VDAC1: variants seen among roughly 807,000 people sequenced by gnomAD.
The protein encoded by VDAC1 is non-selective voltage-gated ion channel VDAC1.
Under a neutral mutation model 34.7 loss-of-function variants are expected in VDAC1, and 10 were observed. The observed-to-expected ratio is 0.29, with a 90% CI of 0.18 to 0.49. The LOEUF (loss-of-function observed/expected upper bound fraction) is 0.49. VDAC1 is among the 20% of genes least tolerant of loss of function. VDAC1 has a pLI of 0.99. For missense variants in VDAC1, 230 were observed against 347.9 expected (o/e 0.66, Z 2.69); for synonymous variants, 130 against 136.0 (o/e 0.96, Z 0.30).
the VDAC1 span, among the ~76,000 whole-genome samples, chr5:134,051,689 G>GTTTTTGTTTTTGTT: frequency 4.3e-5 from 6 of 140,102 alleles, no homozygotes; most frequent in African/African-American, 1.3e-4. Flanking sequence ...TTTTGGCTTT[G>GTTTTTGTTTTTGTT]TTTTTGTTTT....
the VDAC1 span, among the ~76,000 whole-genome samples, chr5:134,063,282 C>T: frequency 6.6e-6 from 1 of 152,322 alleles, no homozygotes; most frequent in African/African-American, 2.4e-5. Flanking sequence ...AATGTCCTTT[C>T]TCCGTTCCAA....
the VDAC1 span, among the ~76,000 whole-genome samples, chr5:134,067,892 C>T: frequency 2.6e-5 from 4 of 152,172 alleles, no homozygotes; most frequent in South Asian, 4.2e-4. Flanking sequence ...CCAAGGAAGG[C>T]GGATCACTTG....
chr5:134,080,120 T>A, the VDAC1 span, among the ~76,000 whole-genome samples: 2 of 152,214 alleles, frequency 1.3e-5, no homozygotes, highest in Non-Finnish European at 2.9e-5. Context: ...ATGTGTGACA[T>A]CAAAGCCGGC....
At chr5:134,037,858 C>T in the VDAC1 span, among the ~76,000 whole-genome samples, 3 of 152,112 alleles carry the variant, frequency 2.0e-5, no homozygotes, top group African/African-American at 7.2e-5. Context: ...ATTAGTGAAT[C>T]GTATTGTATC....
chr5:134,041,711 G>A, the VDAC1 span, among the ~76,000 whole-genome samples: 15 of 152,136 alleles, frequency 9.9e-5, no homozygotes, highest in Non-Finnish European at 2.2e-4. Flanking sequence ...CTGGGACTTG[G>A]GCCTCCTGCC....
intron 5 of VDAC1, chr5:133,988,965 C>G (rs147678202): frequency 6.6e-6 from 1 of 152,224 alleles, no homozygotes; most frequent in Non-Finnish European, 1.5e-5. Flanking sequence ...TCATCCTATC[C>G]CAGGATCTTT....
the VDAC1 span, among the ~76,000 whole-genome samples, chr5:134,095,476 C>T: frequency 7.1e-6 from 1 of 140,070 alleles, no homozygotes; most frequent in African/African-American, 2.6e-5. Flanking sequence ...GAGTGAGACT[C>T]TGTCTCAGTA....
chr5:134,017,016 C>T, the VDAC1 span, among the ~76,000 whole-genome samples: 1 of 152,216 alleles, frequency 6.6e-6, no homozygotes, highest in South Asian at 2.1e-4. Flanking sequence ...GCATGTTCTT[C>T]CCAGATGGCT....
At chr5:133,976,083 A>G in intron 6 of VDAC1, 62 bp from the exon 7 acceptor site, 2 of 1,603,830 alleles carry the variant, frequency 1.2e-6, no homozygotes, top group Non-Finnish European at 1.7e-6. Flanking sequence ...GCCCAGACAG[A>G]TCCACCCAAG....
chr5:134,020,971 A>G, the VDAC1 span, among the ~76,000 whole-genome samples: 1 of 149,812 alleles, frequency 6.7e-6, no homozygotes, highest in Admixed American at 6.8e-5. Context: ...CAGCCTGGGC[A>G]ACATAAGGAG....
chr5:134,040,838 G>A, the VDAC1 span, among the ~76,000 whole-genome samples: 1 of 152,130 alleles, frequency 6.6e-6, no homozygotes, highest in African/African-American at 2.4e-5. Flanking sequence ...TGGGAAAGGG[G>A]TCACTCTAGG....
chr5:134,009,167 G>A (rs569402428), upstream of VDAC1, among the ~76,000 whole-genome samples: 1 of 146,690 alleles, frequency 6.8e-6, no homozygotes, highest in Non-Finnish European at 1.5e-5. Flanking sequence ...TAAGAATTTT[G>A]TATATATATA....
At chr5:134,077,388 C>T in the VDAC1 span, among the ~76,000 whole-genome samples, 71,456 of 151,882 alleles carry the variant, frequency 0.47, 17,209 homozygotes, top group Non-Finnish European at 0.52. Flanking sequence ...TTCAGCTCAG[C>T]CTGGTCTGAA....
chr5:133,974,965 AC>A (rs142669176), intron 7 of VDAC1, among the ~76,000 whole-genome samples: 31,213 of 147,908 alleles, frequency 0.21, 3,309 homozygotes, highest in East Asian at 0.42. Flanking sequence ...AAAAAAAAAA[AC>A]AAACAAACAG....
intron 8 of VDAC1, 134 bp downstream of exon 8, chr5:133,973,657 A>G: frequency 1.4e-6 from 1 of 715,578 alleles, no homozygotes; most frequent in East Asian, 2.8e-5. Flanking sequence ...ACATTTAATT[A>G]TACTTTACAT....
At chr5:134,032,143 A>AAAAAAAAAAAAAAAAAAAAAAAAC in the VDAC1 span, among the ~76,000 whole-genome samples, 1 of 149,508 alleles carries the variant, frequency 6.7e-6, no homozygotes, top group African/African-American at 2.5e-5. Flanking sequence ...AAAAAAAAAA[A>AAAAAAAAAAAAAAAAAAAAAAAAC]AGCTACTCTG....
At chr5:134,034,713 C>A in the VDAC1 span, among the ~76,000 whole-genome samples, 3 of 152,206 alleles carry the variant, frequency 2.0e-5, no homozygotes, top group South Asian at 6.2e-4. Context: ...ATGCAAGGTG[C>A]ATGCTGGGAC....
the VDAC1 span, among the ~76,000 whole-genome samples, chr5:134,107,401 T>C: frequency 2.0e-5 from 3 of 152,270 alleles, no homozygotes; most frequent in African/African-American, 7.2e-5. Flanking sequence ...CAAGCCGAGA[T>C]GAAATCTCTC....
the VDAC1 span, among the ~76,000 whole-genome samples, chr5:134,071,914 C>T: frequency 6.6e-6 from 1 of 152,254 alleles, no homozygotes; most frequent in African/African-American, 2.4e-5. The surrounding 1 kb of genome is among the most constrained non-coding windows in gnomAD (Gnocchi z 4.1). Flanking sequence ...TCTGTACATG[C>T]TCCTCTGTGG....
Sources: gnomAD v4.1 joint callset for allele counts (sites outside exome capture counted in the v4.1 genomes callset) on GRCh38, gnomAD v4.1.1 for gene constraint, Gnocchi (gnomAD v3.1) non-coding constraint, MANE v1.5 for transcripts, NCBI Gene and HGNC (gene_info 2026-07-23, HGNC 2026-07-21) for gene names.